Variants in ADAM29 observed in about 807,000 individuals in gnomAD.
The protein encoded by ADAM29 is ADAM metallopeptidase domain 29, also known as disintegrin and metalloproteinase domain-containing protein 29.
For missense variants in ADAM29, 969 were observed against 1,001.8 expected (o/e 0.97, Z 0.44); for synonymous variants, 367 against 342.3 (o/e 1.07, Z -0.80).
intron 1 of ADAM29, among the ~76,000 whole-genome samples, chr4:174,918,757 A>G (rs72710270): frequency 6.6e-5 from 10 of 152,086 alleles, no homozygotes; most frequent in Non-Finnish European, 1.5e-4. Context: ...TAAAAAAAAG[A>G]AAAAGAAAAA....
chr4:174,962,364 T>C (rs1745879020), intron 4 of ADAM29, among the ~76,000 whole-genome samples: 1 of 151,726 alleles, frequency 6.6e-6, no homozygotes, highest in Non-Finnish European at 1.5e-5. Context: ...ACAAAAAAAT[T>C]AGCTGGGCGT....
At chr4:174,943,757 C>G (rs1744682411) in intron 4 of ADAM29, among the ~76,000 whole-genome samples, 1 of 151,716 alleles carries the variant, frequency 6.6e-6, no homozygotes, top group African/African-American at 2.4e-5. Context: ...GATATTTCTT[C>G]CAGAAGAGTC....
intron 4 of ADAM29, among the ~76,000 whole-genome samples, chr4:174,955,473 A>AAC (rs1745447537): frequency 6.6e-6 from 1 of 152,148 alleles, no homozygotes; most frequent in South Asian, 2.1e-4. Context: ...TGTAGCTTTC[A>AAC]TCAGCTTATT....
At chr4:174,971,045 C>T (rs1579080520) in intron 4 of ADAM29, among the ~76,000 whole-genome samples, 1 of 152,082 alleles carries the variant, frequency 6.6e-6, no homozygotes, top group East Asian at 1.9e-4. Context: ...CAATTTACAT[C>T]CATTCATATT....
At chr4:174,953,492 G>A (rs1745308376) in intron 4 of ADAM29, among the ~76,000 whole-genome samples, 1 of 152,102 alleles carries the variant, frequency 6.6e-6, no homozygotes, top group South Asian at 2.1e-4. Flanking sequence ...GATTTCAAAA[G>A]ATTTTCTAAC....
chr4:174,921,826 A>G (rs1226560277), intron 2 of ADAM29, among the ~76,000 whole-genome samples: 1 of 152,212 alleles, frequency 6.6e-6, no homozygotes, highest in African/African-American at 2.4e-5. Context: ...ACACACATAC[A>G]TGTGTGGTTA....
intron 1 of ADAM29, among the ~76,000 whole-genome samples, chr4:174,919,540 G>A (rs912511096): frequency 1.1e-4 from 16 of 152,076 alleles, no homozygotes; most frequent in Admixed American, 6.6e-5. Context: ...TTCTCTTCTG[G>A]AGCTCAAAGT....
chr4:174,962,326 A>C (rs1217074749), intron 4 of ADAM29, among the ~76,000 whole-genome samples: 2 of 152,058 alleles, frequency 1.3e-5, no homozygotes, highest in Non-Finnish European at 2.9e-5. Context: ...CCTGGCTAAC[A>C]CGGTGAAACC....
intron 4 of ADAM29, among the ~76,000 whole-genome samples, chr4:174,956,759 C>G (rs1032567532): frequency 4.0e-5 from 6 of 151,798 alleles, no homozygotes; most frequent in African/African-American, 1.5e-4. Flanking sequence ...CATACAGGTC[C>G]TAGGTAATTA....
intron 4 of ADAM29, among the ~76,000 whole-genome samples, chr4:174,937,832 G>A (rs968305372): frequency 6.6e-6 from 1 of 152,002 alleles, no homozygotes. Context: ...ATTAGTGCCT[G>A]CCACACCACT....
chr4:174,936,663 AT>A (rs1159265590), intron 3 of ADAM29, among the ~76,000 whole-genome samples: 1 of 151,852 alleles, frequency 6.6e-6, no homozygotes, highest in African/African-American at 2.4e-5. Context: ...AAACGGTACT[AT>A]TTTTTTCATT....
intron 4 of ADAM29, among the ~76,000 whole-genome samples, chr4:174,951,200 G>A (rs565106027): frequency 1.3e-5 from 2 of 152,146 alleles, no homozygotes; most frequent in African/African-American, 2.4e-5. Flanking sequence ...CTATCCACTG[G>A]CCAATGTCTC....
chr4:174,918,833 C>A (rs996106617), intron 1 of ADAM29: 2 of 151,978 alleles, frequency 1.3e-5, no homozygotes, highest in African/African-American at 4.8e-5. Flanking sequence ...AATGATCTCC[C>A]ACTTCTCTGT....
intron 4 of ADAM29, among the ~76,000 whole-genome samples, chr4:174,963,669 A>G (rs1220280963): frequency 2.1e-5 from 3 of 142,736 alleles, no homozygotes; most frequent in Non-Finnish European, 4.6e-5. Context: ...AACTTGAAGG[A>G]CAAATAGTAA....
At chr4:174,948,011 G>C (rs1315837433) in intron 4 of ADAM29, among the ~76,000 whole-genome samples, 1 of 152,158 alleles carries the variant, frequency 6.6e-6, no homozygotes, top group Non-Finnish European at 1.5e-5. Flanking sequence ...AGTGTTCCAG[G>C]TGTATCAGAT....
chr4:174,955,180 AG>A (rs1387344859), intron 4 of ADAM29, among the ~76,000 whole-genome samples: 26 of 152,106 alleles, frequency 1.7e-4, no homozygotes, highest in Admixed American at 1.7e-3. Flanking sequence ...CATGAATCCA[AG>A]AACAAGGTAT....
intron 2 of ADAM29, among the ~76,000 whole-genome samples, chr4:174,929,640 A>AG (rs1743732988): frequency 6.9e-6 from 1 of 145,096 alleles, no homozygotes; most frequent in Admixed American, 6.8e-5. Context: ...GCCCAAGGCC[A>AG]GCTGGAGTTT....
intron 4 of ADAM29, among the ~76,000 whole-genome samples, chr4:174,938,835 C>T (rs746222895): frequency 5.3e-5 from 8 of 152,180 alleles, no homozygotes; most frequent in African/African-American, 1.4e-4. Flanking sequence ...ATCCAGGTGT[C>T]GGCAGGGAAA....
chr4:174,946,068 A>G (rs1390319592), intron 4 of ADAM29, among the ~76,000 whole-genome samples: 1 of 152,162 alleles, frequency 6.6e-6, no homozygotes, highest in Non-Finnish European at 1.5e-5. Context: ...CTGAATCTGA[A>G]CATTGCTTTG....
Sources: allele counts gnomAD v4.1 joint callset (sites outside exome capture counted in the v4.1 genomes callset), GRCh38; gene constraint gnomAD v4.1.1; transcripts MANE v1.5; gene names NCBI Gene and HGNC (gene_info 2026-07-23, HGNC 2026-07-21).